The following RREB1 variants were observed in gnomAD, a reference collection of about 807,000 sequenced individuals.
RREB1 encodes ras responsive element binding protein 1, also known as ras-responsive element-binding protein 1.
Under a neutral mutation model 117.8 loss-of-function variants are expected in RREB1, and 27 were observed. That is an observed-to-expected ratio of 0.23 (90% CI 0.17 to 0.32). RREB1 has a LOEUF of 0.32. RREB1 is among the 10% of genes least tolerant of loss of function. The pLI, the probability that RREB1 is intolerant of heterozygous loss-of-function variation, is 1.00. For missense variants in RREB1, 2,577 were observed against 2,378.2 expected (o/e 1.08, Z -1.74); for synonymous variants, 1,298 against 1,026.7 (o/e 1.26, Z -5.05).
intron 1 of RREB1, among the ~76,000 whole-genome samples, chr6:7,149,877 C>T (rs1367092296): frequency 2.6e-5 from 4 of 151,896 alleles, no homozygotes; most frequent in Admixed American, 6.6e-5. Flanking sequence ...TTAGTAGAGA[C>T]GGGGTTTCAC....
intron 1 of RREB1, among the ~76,000 whole-genome samples, chr6:7,174,168 T>C (rs1009466947): frequency 2.0e-5 from 3 of 150,924 alleles, no homozygotes; most frequent in Non-Finnish European, 4.4e-5. Context: ...TTTTTTTTTT[T>C]CTGAAGCATT....
chr6:7,226,484 T>C lies in RREB1; in HGVS notation c.725T>C (p.Val242Ala). Reference protein sequence around the residue: ...DNPLRCDICCVTFRTHRGLLR... With the variant: ...DNPLRCDICCATFRTHRGLLR... ...TCTCCTAGATGTGACATTTGTTGTG[T>C]CACCTTTCGAACACATCGAGGACTG... The change falls in exon 9 of 13, where the codon GTC becomes GCC. Residue 242 changes from valine to alanine, a missense_variant. Transcript: ENST00000379938. The C allele has an allele frequency of 6.2e-7, 1 of 1,612,278 alleles. No individual in the cohort carries two copies. The highest frequency in any genetic ancestry group is 8.5e-7 in the Non-Finnish European group (1 of 1,179,030).
intron 1 of RREB1, among the ~76,000 whole-genome samples, chr6:7,123,092 G>A (rs1275617858): frequency 1.3e-5 from 2 of 152,026 alleles, no homozygotes; most frequent in Admixed American, 6.5e-5. Flanking sequence ...GTATTGGCAT[G>A]TCTTACATAC....
At chr6:7,156,355 G>A (rs989529565) in intron 1 of RREB1, among the ~76,000 whole-genome samples, 4 of 152,292 alleles carry the variant, frequency 2.6e-5, no homozygotes, top group East Asian at 1.9e-4. Context: ...AGAAAGAACT[G>A]ACCTAAAAAA....
intron 7 of RREB1, 33 bp downstream of exon 7, chr6:7,210,981 T>G: frequency 6.3e-7 from 1 of 1,592,048 alleles, no homozygotes. Context: ...ATTCACCTGC[T>G]CAGGGGACTT....
intron 1 of RREB1, among the ~76,000 whole-genome samples, chr6:7,141,474 C>A (rs1423542537): frequency 6.6e-6 from 1 of 151,950 alleles, no homozygotes; most frequent in Non-Finnish European, 1.5e-5. Flanking sequence ...CCCGTGCCCG[C>A]CCCCCCGCCT....
chr6:7,220,002 A>G (rs1290857762), intron 8 of RREB1, among the ~76,000 whole-genome samples: 1 of 152,102 alleles, frequency 6.6e-6, no homozygotes, highest in South Asian at 2.1e-4. Context: ...GGGAGCCCCA[A>G]TTCCACACAC....
Position 7,246,470 on chromosome 6 carries a change from A to C in RREB1, c.4020A>C (p.Leu1340=). 1 of 1,535,622 alleles carries C rather than the reference A, an allele frequency of 6.5e-7. No homozygotes were observed. Among genetic ancestry groups the C allele is most frequent in the Admixed American group, 2.0e-5 (1 of 49,726 alleles). The change falls in exon 12 of 13, where the codon CTA becomes CTC. Residue 1340 remains leucine (L), a synonymous_variant. Coordinates refer to ENST00000379938, the MANE Select transcript of RREB1 (RefSeq NM_001003699.4). ...CTGCAGCCGCCGCGGGCGAAGTGCT[A>C]GACCTCACCTCACGGGACAGAGAGC... ...AETAAAAGEV[L]DLTSRDREQP... is the part of the protein sequence containing the mutation.
At chr6:7,141,826 G>T (rs564490867) in intron 1 of RREB1, among the ~76,000 whole-genome samples, 2 of 152,342 alleles carry the variant, frequency 1.3e-5, no homozygotes, top group East Asian at 3.9e-4. Context: ...ACGGGCAGCC[G>T]GGTGGCCGGG....
At chr6:7,199,647 G>C (rs1487952599) in intron 6 of RREB1, among the ~76,000 whole-genome samples, 2 of 152,012 alleles carry the variant, frequency 1.3e-5, no homozygotes, top group Middle Eastern at 3.4e-3. Flanking sequence ...TTTTGTGTGT[G>C]TGTGTGATTT....
intron 8 of RREB1, among the ~76,000 whole-genome samples, chr6:7,223,575 A>AAAAAAAAAAAAC (rs1200002803): frequency 5.3e-5 from 8 of 151,540 alleles, no homozygotes; most frequent in African/African-American, 1.9e-4. Context: ...AAAAAAAAAA[A>AAAAAAAAAAAAC]GGTGAAGAGT....
At chr6:7,172,696 G>GC (rs1245483902) in intron 1 of RREB1, among the ~76,000 whole-genome samples, 1 of 147,122 alleles carries the variant, frequency 6.8e-6, no homozygotes, top group African/African-American at 2.6e-5. Context: ...CGGTGTGGGG[G>GC]GGTGGGGGTG....
Position 7,230,673 on chromosome 6 carries a change from C to T in RREB1, c.2574C>T (p.Pro858=), listed in dbSNP as rs116759588. ...SGCAALGDCK[P]LTAFLEPQNG... ...GCGCTGCCCTTGGTGACTGCAAGCC[C>T]CTCACTGCCTTCCTGGAACCCCAGA... Residue 858 remains proline, a synonymous_variant, in exon 10 of 13, where the codon CCC becomes CCT. Transcript: ENST00000379938. 5 of 1,594,752 alleles carry T rather than the reference C, an allele frequency of 3.1e-6. No homozygotes were observed. Among genetic ancestry groups the T allele is most frequent in the Non-Finnish European group, 3.4e-6 (4 of 1,169,956 alleles).
Position 7,231,057 on chromosome 6 carries a change from C to G in RREB1, c.2958C>G (p.Ser986Arg), listed in dbSNP as rs61731494. 1.2e-6 allele frequency: 2 copies of G among 1,613,778 alleles called. No homozygotes were observed. The highest frequency in any genetic ancestry group is 1.1e-5 in the South Asian group (1 of 91,076). The change falls in exon 10 of 13, where the codon AGC (serine) becomes AGG (arginine). Residue 986 changes from serine (S) to arginine (R), a missense_variant. Physicochemically the swap from Ser to Arg is moderately radical, Grantham distance 110 (BLOSUM62 -1). Transcript: ENST00000379938. ...CTCTTCCTGTAACTTTGGGGCCCAG[C>G]GGAATCCTGGAAAGCCCCATGGCCC... Reference protein sequence around the residue: ...GPSLPVTLGPSGILESPMAPA... With the variant: ...GPSLPVTLGPRGILESPMAPA...
intron 11 of RREB1, among the ~76,000 whole-genome samples, chr6:7,241,784 C>G (rs1768720302): frequency 6.6e-6 from 1 of 152,204 alleles, no homozygotes; most frequent in Non-Finnish European, 1.5e-5. Context: ...CAGTCTAGAT[C>G]AGATCCTCTG....
At chr6:7,178,638 T>C (rs942089399) in intron 2 of RREB1, among the ~76,000 whole-genome samples, 2 of 152,378 alleles carry the variant, frequency 1.3e-5, no homozygotes, top group Admixed American at 6.5e-5. Flanking sequence ...TGGTTCCTTC[T>C]GGAACAGATT....
At chr6:7,226,131 G>T (rs1767572373) in intron 8 of RREB1, among the ~76,000 whole-genome samples, 1 of 152,156 alleles carries the variant, frequency 6.6e-6, no homozygotes, top group South Asian at 2.1e-4. Context: ...TCCCATTAAT[G>T]CCTGATCGAG....
At chr6:7,151,415 T>G (rs1234496765) in intron 1 of RREB1, among the ~76,000 whole-genome samples, 1 of 152,234 alleles carries the variant, frequency 6.6e-6, no homozygotes, top group East Asian at 1.9e-4. Flanking sequence ...AGCAGTCATA[T>G]GATCTACAAA....
chr6:7,249,769 T>G lies in RREB1; in HGVS notation c.*801T>G, dbSNP rs974544865. ...CACGGATAGGATATATTTGATTGCC[T>G]CCTCTTCCCTTTCAGTATATGTATT... On this transcript the variant is annotated 3_prime_UTR_variant, in exon 13 of 13. Coordinates refer to ENST00000379938, the MANE Select transcript of RREB1 (RefSeq NM_001003699.4). 6.6e-6 allele frequency: 1 copy of G among 152,158 alleles called. No homozygotes were observed. The highest frequency in any genetic ancestry group is 1.9e-4 in the East Asian group (1 of 5,192). 9.4% of individuals were successfully genotyped at this position (152,158 alleles called of 1,614,324 possible). A position where few individuals can be genotyped will look rare whatever the true frequency, so the allele number is the denominator to read the frequency against.
Sources: gnomAD v4.1 joint callset for allele counts (sites outside exome capture counted in the v4.1 genomes callset) on GRCh38, gnomAD v4.1.1 for gene constraint, MANE v1.5 for transcripts, NCBI Gene and HGNC (gene_info 2026-07-23, HGNC 2026-07-21) for gene names.